The following CPNE4 variants were observed in gnomAD, a reference collection of about 807,000 sequenced individuals.
CPNE4 encodes copine-4.
In CPNE4, 25 loss-of-function variants were observed where a neutral mutation model predicts 67.9. The ratio of observed to expected loss-of-function variants is 0.37; its 90% CI spans 0.27 to 0.51. The LOEUF (loss-of-function observed/expected upper bound fraction) is 0.51, where lower values mean the gene tolerates loss of function less well. CPNE4 is among the 20% of genes least tolerant of loss of function. The probability of loss-of-function intolerance (pLI) is 0.93; values close to 1 mark genes in which losing one functional copy is unlikely to be tolerated. For synonymous variants in CPNE4, 242 were observed against 244.9 expected (o/e 0.99, Z 0.11); for missense variants, 464 against 690.8 (o/e 0.67, Z 3.68).
intron 2 of CPNE4, among the ~76,000 whole-genome samples, chr3:131,877,370 A>G (rs1369620768): frequency 6.6e-6 from 1 of 152,208 alleles, no homozygotes; most frequent in African/African-American, 2.4e-5. Context: ...AAGGTAAGAA[A>G]GAATCTGGGC....
At chr3:131,708,968 A>G (rs2081487664) in intron 3 of CPNE4, among the ~76,000 whole-genome samples, 1 of 84,290 alleles carries the variant, frequency 1.2e-5, no homozygotes, top group African/African-American at 5.7e-5. Context: ...ATATATATAT[A>G]TATATATATA....
chr3:131,928,953 G>T (rs1352020839), intron 1 of CPNE4, among the ~76,000 whole-genome samples: 2 of 152,096 alleles, frequency 1.3e-5, no homozygotes. Flanking sequence ...GAGAGGGCTA[G>T]TCCTAGGAAT....
At chr3:131,560,830 G>A (rs1236878322) in intron 11 of CPNE4, among the ~76,000 whole-genome samples, 1 of 152,042 alleles carries the variant, frequency 6.6e-6, no homozygotes, top group Non-Finnish European at 1.5e-5. Flanking sequence ...GCACACCAGA[G>A]AGTTAAATCA....
Position 132,017,987 on chromosome 3 carries a change from A to T in CPNE4, c.-2+16580T>A, listed in dbSNP as rs186924741. Among the ~76,000 whole-genome samples the T allele has an allele frequency of 1.4e-3, 217 of 152,066 alleles. 6 individuals are homozygous for T. The highest frequency in any genetic ancestry group is 9.9e-3 in the Admixed American group (152 of 15,288). ...CTCCTCCACCCACCCCTAAAGACCC[A>T]GATGCTCAACTCAGAGTGTGCCCCC... On this transcript the variant is annotated intron_variant, in intron 1 of 15. Coordinates refer to ENST00000429747, the MANE Select transcript of CPNE4 (RefSeq NM_130808.3).
intron 2 of CPNE4, among the ~76,000 whole-genome samples, chr3:131,780,436 A>G (rs941713437): frequency 6.6e-6 from 1 of 152,168 alleles, no homozygotes; most frequent in African/African-American, 2.4e-5. Context: ...CTATATGCCC[A>G]TCAGTGGTGG....
chr3:131,813,410 ATATATG>A (rs1415877602), intron 2 of CPNE4, among the ~76,000 whole-genome samples: 3 of 149,994 alleles, frequency 2.0e-5, no homozygotes, highest in Non-Finnish European at 4.4e-5. Context: ...ATACAAACGT[ATATATG>A]TATGTGTGTA....
intron 7 of CPNE4, among the ~76,000 whole-genome samples, chr3:131,598,421 G>GA (rs1939013227): frequency 6.6e-6 from 1 of 152,166 alleles, no homozygotes; most frequent in Admixed American, 6.5e-5. Flanking sequence ...ATCAATACCT[G>GA]ATGAACAATA....
intron 1 of CPNE4, among the ~76,000 whole-genome samples, chr3:131,941,380 T>C (rs1040430114): frequency 9.2e-5 from 14 of 152,100 alleles, no homozygotes; most frequent in African/African-American, 3.4e-4. Context: ...AATGTTACAT[T>C]GAATTCAGCA....
At chr3:132,017,885 G>A (rs1278555963) in intron 1 of CPNE4, 1 of 152,314 alleles carries the variant, frequency 6.6e-6, no homozygotes, top group Non-Finnish European at 1.5e-5. Context: ...GGGGGCAGGG[G>A]AGAATCTTTG....
chr3:131,702,927 T>G (rs1427251577), intron 3 of CPNE4, among the ~76,000 whole-genome samples: 2 of 152,190 alleles, frequency 1.3e-5, no homozygotes, highest in Non-Finnish European at 2.9e-5. Context: ...ATACAAGTGG[T>G]GTTTTACAGC....
intron 1 of CPNE4, among the ~76,000 whole-genome samples, chr3:131,996,328 A>G (rs767346636): frequency 1.2e-4 from 19 of 152,064 alleles, no homozygotes; most frequent in Non-Finnish European, 1.8e-4. Context: ...CAGGGGAGAA[A>G]CTCTATTAAA....
intron 7 of CPNE4, among the ~76,000 whole-genome samples, chr3:131,648,285 A>T (rs1183502218): frequency 6.6e-6 from 1 of 152,186 alleles, no homozygotes; most frequent in Non-Finnish European, 1.5e-5. Flanking sequence ...AGGTGGGAGG[A>T]CTGCTTGAGC....
intron 7 of CPNE4, among the ~76,000 whole-genome samples, chr3:131,652,100 T>TA (rs1349227911): frequency 6.6e-6 from 1 of 152,248 alleles, no homozygotes. Context: ...TCATTGCCGA[T>TA]ATGCTTTCCA....
intron 3 of CPNE4, among the ~76,000 whole-genome samples, 158 bp downstream of exon 3, chr3:131,723,288 T>C (rs991966371): frequency 5.3e-5 from 8 of 152,070 alleles, no homozygotes; most frequent in African/African-American, 1.7e-4. Context: ...ATAAACATAA[T>C]GGATATGACA....
chr3:131,752,050 G>A (rs775244458), intron 2 of CPNE4, among the ~76,000 whole-genome samples: 1 of 152,058 alleles, frequency 6.6e-6, no homozygotes, highest in East Asian at 1.9e-4. Context: ...CCTCCCCAGC[G>A]ACGTGGGGGA....
intron 2 of CPNE4, among the ~76,000 whole-genome samples, chr3:131,871,196 T>C (rs1439528476): frequency 6.6e-6 from 1 of 152,150 alleles, no homozygotes; most frequent in Non-Finnish European, 1.5e-5. Context: ...GACTATCTCT[T>C]CCAAGCTGAT....
intron 1 of CPNE4, among the ~76,000 whole-genome samples, chr3:131,947,357 C>T (rs4508828): frequency 0.15 from 22,797 of 151,992 alleles, 2,291 homozygotes; most frequent in East Asian, 0.33. Flanking sequence ...ACATGTATTA[C>T]GTATTTGTCC....
At chr3:131,911,290 A>T (rs960619380) in intron 1 of CPNE4, among the ~76,000 whole-genome samples, 1 of 152,146 alleles carries the variant, frequency 6.6e-6, no homozygotes, top group Non-Finnish European at 1.5e-5. Context: ...AATTCTGCCA[A>T]CAACCATGTG....
intron 2 of CPNE4, among the ~76,000 whole-genome samples, chr3:131,827,968 C>T (rs1048135802): frequency 1.4e-4 from 22 of 151,862 alleles, no homozygotes; most frequent in African/African-American, 5.1e-4. Context: ...GAGCTCTTCA[C>T]GAGGTTCCTG....
Sources: allele counts gnomAD v4.1 joint callset (sites outside exome capture counted in the v4.1 genomes callset), GRCh38; gene constraint gnomAD v4.1.1; transcripts MANE v1.5; gene names NCBI Gene and HGNC (gene_info 2026-07-23, HGNC 2026-07-21).